ERCC3: variants seen among roughly 807,000 people sequenced by gnomAD.
ERCC3 encodes ERCC excision repair 3, TFIIH core complex helicase subunit.
Under a neutral mutation model 94.2 loss-of-function variants are expected in ERCC3, and 66 were observed. The observed-to-expected ratio is 0.70, with a 90% CI of 0.57 to 0.86. The LOEUF is 0.86. Ranked by LOEUF, ERCC3 falls within the 40% of genes least tolerant of loss-of-function variation. The pLI is 0.00. For missense variants in ERCC3, 829 were observed against 987.1 expected (o/e 0.84, Z 2.15); for synonymous variants, 349 against 369.1 (o/e 0.95, Z 0.63).
chr2:127,285,221 G>C (rs1401591736), intron 8 of ERCC3, among the ~76,000 whole-genome samples: 1 of 152,186 alleles, frequency 6.6e-6, no homozygotes, highest in African/African-American at 2.4e-5. Context: ...AAGCTAGATA[G>C]AGAAACAAAG....
At chr2:127,270,364 A>T (rs1179341135) in intron 12 of ERCC3, among the ~76,000 whole-genome samples, 2 of 152,182 alleles carry the variant, frequency 1.3e-5, no homozygotes, top group African/African-American at 4.8e-5. Context: ...GAATCCTCAC[A>T]GCAGTCTTGG....
chr2:127,282,571 A>G (rs571964342), intron 8 of ERCC3, among the ~76,000 whole-genome samples: 1 of 152,370 alleles, frequency 6.6e-6, no homozygotes, highest in South Asian at 2.1e-4. Context: ...CCTTTGAGAT[A>G]AATCTCAAAG....
intron 6 of ERCC3, 148 bp downstream of exon 6, chr2:127,289,189 C>T: frequency 1.3e-6 from 1 of 752,162 alleles, no homozygotes; most frequent in Non-Finnish European, 2.4e-6. Flanking sequence ...GATGCCATGG[C>T]TCACAGATAA....
Position 127,257,814 on chromosome 2 carries a change from A to G in ERCC3, c.2218-87T>C, listed in dbSNP as rs1173608480. The G allele has an allele frequency of 2.1e-6, 3 of 1,423,316 alleles. No individual in the cohort carries two copies. Among genetic ancestry groups the G allele is most frequent in the Non-Finnish European group, 3.0e-6 (3 of 1,015,262 alleles). 88.2% of individuals were successfully genotyped at this position (1,423,316 alleles called of 1,614,324 possible). On this transcript the variant is annotated intron_variant, in intron 14 of 14. Transcript: ENST00000285398. This position sits in a 1 kb window ranked among gnomAD's most constrained non-coding sequence, Gnocchi z 5.4. ...TACTTATAATCACAGCAAATTTTAT[A>G]AGACTTACATAAATTTAATACATCA...
chr2:127,279,143 TG>T lies in ERCC3; in HGVS notation c.1730+29del. The T allele has an allele frequency of 6.7e-7, 1 of 1,500,598 alleles. No individual in the cohort carries two copies. Among genetic ancestry groups the T allele is most frequent in the Non-Finnish European group, 9.3e-7 (1 of 1,077,290 alleles). The allele number at this position is 1,500,598 out of a possible 1,614,324, so 93.0% of individuals were successfully genotyped here. On this transcript the variant is annotated intron_variant, in intron 10 of 14. Transcript: ENST00000285398. The surrounding 1 kb of genome is among the most constrained non-coding windows in gnomAD (Gnocchi z 4.7). ...TCTCAATGGGGAAGAGAAACTGGCCTGGAGGAAGCTCCAAGTTTTCAATTCT... is the reference window on the plus strand; with the variant it reads ...TCTCAATGGGGAAGAGAAACTGGCCTGAGGAAGCTCCAAGTTTTCAATTCT...
rs780560977 is a variant in ERCC3, at chr2:127,293,971, A to C, written c.28+83T>G. 6 of 1,563,464 alleles carry C rather than the reference A, an allele frequency of 3.8e-6. No homozygotes were observed. In the South Asian group the frequency reaches 5.7e-5, roughly 15 times the overall value. ...GGGCCAGCAGGGTCGGCCGGCGCAG[A>C]GGCCCGGAGCAGCTCCGAGGCAGAG... On this transcript the variant is annotated intron_variant, in intron 1 of 14. Coordinates refer to ENST00000285398, the MANE Select transcript of ERCC3 (RefSeq NM_000122.2).
chr2:127,282,640 T>G (rs1313619744), intron 8 of ERCC3, among the ~76,000 whole-genome samples: 1 of 152,194 alleles, frequency 6.6e-6, no homozygotes, highest in Non-Finnish European at 1.5e-5. Flanking sequence ...AGACTTACTG[T>G]GACTTCCTAG....
chr2:127,280,914 C>T lies in ERCC3; in HGVS notation c.1343-283G>A. ...TGAACTAACCCTTGGGTTTCAGGAC[C>T]ACAGAAGCTGGCTCTAGACAAGAAT... On this transcript the variant is annotated intron_variant, in intron 8 of 14. Coordinates refer to ENST00000285398, the MANE Select transcript of ERCC3 (RefSeq NM_000122.2). The surrounding 1 kb of genome is among the most constrained non-coding windows in gnomAD (Gnocchi z 6.3). 2 of 509,088 alleles carry T rather than the reference C, an allele frequency of 3.9e-6. No individual in the cohort carries two copies. 31.5% of individuals were successfully genotyped at this position (509,088 alleles called of 1,614,324 possible). A position where few individuals can be genotyped will look rare whatever the true frequency, so the allele number is the denominator to read the frequency against.
rs1220812891 is a variant in ERCC3 at position 127,292,751 on chromosome 2, T to G, written c.330A>C (p.Pro110=). The change falls in exon 3 of 15, where the codon CCA becomes CCC. Residue 110 remains proline, a synonymous_variant. Coordinates refer to ENST00000285398, the MANE Select transcript of ERCC3 (RefSeq NM_000122.2). ...TTAGTTTGTACTCATGCACATGGGT[T>G]GGTCGGCACACTGGCTCTGCAATAG... ...LVAIAEPVCR[P]THVHEYKLTA... The G allele has an allele frequency of 6.2e-7, 1 of 1,613,930 alleles. No homozygotes were observed.
rs763461627 is a variant in ERCC3, at chr2:127,289,708, GTC to G, written c.636_637del (p.Glu212AspfsTer10). On this transcript the variant is annotated frameshift_variant, in exon 5 of 15. Coordinates refer to ENST00000285398, the MANE Select transcript of ERCC3 (RefSeq NM_000122.2). LOFTEE classifies it high-confidence loss of function. ...ACATACGGCAGATTTGCTTGTGAAA[GTC>G]TCTGTGATGAGCTCAGTGGCCTCCC... 5 of 1,614,192 alleles carry G rather than the reference GTC, an allele frequency of 3.1e-6. No homozygotes were observed. The South Asian group carries it at 4.4e-5, about 14-fold the overall frequency.
chr2:127,286,966 C>T lies in ERCC3; in HGVS notation c.1079G>A (p.Arg360His), dbSNP rs764062606. 6 of 1,613,878 alleles carry T rather than the reference C, an allele frequency of 3.7e-6. No individual in the cohort carries two copies. The highest frequency in any genetic ancestry group is 2.2e-5 in the South Asian group (2 of 91,086). Reference sequence around the variant, plus strand: ...AGCTGAGTTGCCCAGCACCAGACAGCGTTTTCTGACAGTGCATGCAGCAGT... The same window carrying T: ...AGCTGAGTTGCCCAGCACCAGACAGTGTTTTCTGACAGTGCATGCAGCAGT... Reference protein sequence around the residue: ...GVTAACTVRKRCLVLGNSAVS... With the variant: ...GVTAACTVRKHCLVLGNSAVS... The change falls in exon 8 of 15, where the codon CGC (arginine) becomes CAC (histidine). Residue 360 changes from arginine (R) to histidine (H), a missense_variant. By Grantham distance (29) the Arg-to-His change is conservative. Coordinates refer to ENST00000285398, the MANE Select transcript of ERCC3 (RefSeq NM_000122.2).
Position 127,257,806 on chromosome 2 carries a change from A to G in ERCC3, c.2218-79T>C. ...TTTTATAATACTTATAATCACAGCA[A>G]ATTTTATAAGACTTACATAAATTTA... On this transcript the variant is annotated intron_variant, in intron 14 of 14. Transcript: ENST00000285398. This position sits in a 1 kb window ranked among gnomAD's most constrained non-coding sequence, Gnocchi z 5.4. 1 of 1,484,848 alleles carries G rather than the reference A, an allele frequency of 6.7e-7. No individual in the cohort carries two copies. Among genetic ancestry groups the G allele is most frequent in the Non-Finnish European group, 9.4e-7 (1 of 1,068,172 alleles). The allele number at this position is 1,484,848 out of a possible 1,614,324, so 92.0% of individuals were successfully genotyped here. A position where few individuals can be genotyped will look rare whatever the true frequency, so the allele number is the denominator to read the frequency against.
At chr2:127,289,185 A>G in intron 6 of ERCC3, 152 bp downstream of exon 6, 1 of 742,092 alleles carries the variant, frequency 1.3e-6, no homozygotes, top group South Asian at 1.6e-5. Flanking sequence ...AAATGATGCC[A>G]TGGCTCACAG....
chr2:127,289,887 C>T (rs1280075777), intron 4 of ERCC3, 63 bp from the exon 5 acceptor site: 2 of 1,562,034 alleles, frequency 1.3e-6, no homozygotes, highest in African/African-American at 1.4e-5. Flanking sequence ...GATTCCACTG[C>T]TCATTCAATT....
At chr2:127,288,943 G>C in intron 6 of ERCC3, 79 bp from the exon 7 acceptor site, 1 of 1,136,090 alleles carries the variant, frequency 8.8e-7, no homozygotes, top group Non-Finnish European at 1.3e-6. Flanking sequence ...AGGTCCAATG[G>C]TCAAAAAAGT....
Position 127,257,808 on chromosome 2 carries a change from T to A in ERCC3, c.2218-81A>T. On this transcript the variant is annotated intron_variant, in intron 14 of 14. Coordinates refer to ENST00000285398, the MANE Select transcript of ERCC3 (RefSeq NM_000122.2). The surrounding 1 kb of genome is among the most constrained non-coding windows in gnomAD (Gnocchi z 5.4). ...TTATAATACTTATAATCACAGCAAA[T>A]TTTATAAGACTTACATAAATTTAAT... 6.8e-7 allele frequency: 1 copy of A among 1,465,298 alleles called. No individual in the cohort carries two copies. The highest frequency in any genetic ancestry group is 9.5e-7 in the Non-Finnish European group (1 of 1,051,216). 90.8% of individuals were successfully genotyped at this position (1,465,298 alleles called of 1,614,324 possible).
In ERCC3 at chr2:127,257,609, C is replaced by T. The variant is rs146427260; in HGVS notation, c.2336G>A (p.Arg779His). 6.2e-6 allele frequency: 10 copies of T among 1,613,884 alleles called. No individual in the cohort carries two copies. Among genetic ancestry groups the T allele is most frequent in the Middle Eastern group, 1.7e-4 (1 of 5,950 alleles). The change falls in exon 15 of 15, where the codon CGC (arginine) becomes CAC (histidine). Residue 779 changes from arginine to histidine, a missense_variant. By Grantham distance (29) the Arg-to-His change is conservative. Coordinates refer to ENST00000285398, the MANE Select transcript of ERCC3 (RefSeq NM_000122.2). The surrounding 1 kb of genome is among the most constrained non-coding windows in gnomAD (Gnocchi z 5.4). ...CCTGCCTAAGCATCATTTCCTAAAG[C>T]GCTTGAAGAGCGGGTGTACATGTTT... ...PSKHVHPLFK[R>H]FRK is the part of the protein sequence containing the mutation.
At chr2:127,266,628 C>T (rs1684377497) in intron 12 of ERCC3, among the ~76,000 whole-genome samples, 1 of 152,006 alleles carries the variant, frequency 6.6e-6, no homozygotes, top group African/African-American at 2.4e-5. Context: ...TAAGCCACCA[C>T]ACCCTGCCGA....
chr2:127,264,693 C>A lies in ERCC3; in HGVS notation c.1946-3347G>T, dbSNP rs972496703. On this transcript the variant is annotated intron_variant, in intron 12 of 14. Coordinates refer to ENST00000285398, the MANE Select transcript of ERCC3 (RefSeq NM_000122.2). This position sits in a 1 kb window ranked among gnomAD's most constrained non-coding sequence, Gnocchi z 4.4. ...CGTCTGTGTTCATCAGGAATACTAGCCTGTAGTTTTTTCATCGTGTCTTTG... is the reference window on the plus strand; with the variant it reads ...CGTCTGTGTTCATCAGGAATACTAGACTGTAGTTTTTTCATCGTGTCTTTG... Among the ~76,000 whole-genome samples the A allele has an allele frequency of 1.3e-5, 2 of 152,028 alleles. No homozygotes were observed. The highest frequency in any genetic ancestry group is 4.8e-5 in the African/African-American group (2 of 41,388).
Sources: gnomAD v4.1 joint callset for allele counts (sites outside exome capture counted in the v4.1 genomes callset) on GRCh38, gnomAD v4.1.1 for gene constraint, Gnocchi (gnomAD v3.1) non-coding constraint, MANE v1.5 for transcripts, NCBI Gene and HGNC (gene_info 2026-07-23, HGNC 2026-07-21) for gene names.